Variants in ZNF277 observed in about 807,000 individuals in gnomAD.
The protein encoded by ZNF277 is nuclear receptor-interacting factor 4.
Under a neutral mutation model 60.7 loss-of-function variants are expected in ZNF277, and 55 were observed. The ratio of observed to expected loss-of-function variants is 0.91; its 90% CI spans 0.73 to 1.13. ZNF277 has a LOEUF of 1.13. Among genes scored for constraint, ZNF277 ranks in the 50% most tolerant of loss-of-function variants. ZNF277 has a pLI of 0.00. For missense variants in ZNF277, 510 were observed against 523.0 expected (o/e 0.98, Z 0.24); for synonymous variants, 178 against 179.3 (o/e 0.99, Z 0.06).
intron 5 of ZNF277, among the ~76,000 whole-genome samples, chr7:112,326,210 A>G (rs1340806256): frequency 6.6e-6 from 1 of 152,136 alleles, no homozygotes; most frequent in African/African-American, 2.4e-5. Flanking sequence ...CCCAGGCACA[A>G]TCTAGGCTCT....
At chr7:112,266,510 C>G (rs1163318382) in intron 1 of ZNF277, among the ~76,000 whole-genome samples, 1 of 151,944 alleles carries the variant, frequency 6.6e-6, no homozygotes. Context: ...TAACATTGGT[C>G]CAGGGTTGTC....
At chr7:112,241,994 A>G (rs910124406) in intron 1 of ZNF277, among the ~76,000 whole-genome samples, 1 of 152,100 alleles carries the variant, frequency 6.6e-6, no homozygotes, top group African/African-American at 2.4e-5. Flanking sequence ...AAAAATAAAT[A>G]GTATAATTGG....
chr7:112,256,421 GTTTTTTTTTT>G (rs779126085), intron 1 of ZNF277, among the ~76,000 whole-genome samples: 1 of 95,384 alleles, frequency 1.0e-5, no homozygotes. Context: ...CTTCTTTGGA[GTTTTTTTTTT>G]TTTTTTTTTT....
intron 5 of ZNF277, among the ~76,000 whole-genome samples, chr7:112,327,174 AG>A (rs1793116253): frequency 6.6e-6 from 1 of 152,196 alleles, no homozygotes; most frequent in African/African-American, 2.4e-5. Context: ...TTAATTTAAT[AG>A]TTTAAAGCAG....
At chr7:112,326,110 G>A (rs1295806806) in intron 5 of ZNF277, among the ~76,000 whole-genome samples, 1 of 152,042 alleles carries the variant, frequency 6.6e-6, no homozygotes, top group Non-Finnish European at 1.5e-5. Flanking sequence ...ACTCTTAATG[G>A]CAAGATATTT....
At chr7:112,223,533 G>A (rs1166022796) in intron 1 of ZNF277, among the ~76,000 whole-genome samples, 1 of 152,216 alleles carries the variant, frequency 6.6e-6, no homozygotes, top group Non-Finnish European at 1.5e-5. Context: ...CAGGGAGACA[G>A]GGTCATTTCC....
At chr7:112,243,361 A>G (rs1791004270) in intron 1 of ZNF277, among the ~76,000 whole-genome samples, 1 of 152,026 alleles carries the variant, frequency 6.6e-6, no homozygotes, top group Non-Finnish European at 1.5e-5. Context: ...GTTTCTGTAT[A>G]GCAACAGAAA....
At chr7:112,281,920 C>T (rs191048558) in intron 1 of ZNF277, among the ~76,000 whole-genome samples, 103 of 152,306 alleles carry the variant, frequency 6.8e-4, no homozygotes, top group African/African-American at 1.8e-3. Context: ...GCAACCTCCA[C>T]CTCCTGGGTT....
intron 5 of ZNF277, among the ~76,000 whole-genome samples, chr7:112,327,129 C>T (rs1481437118): frequency 6.6e-6 from 1 of 152,142 alleles, no homozygotes; most frequent in Non-Finnish European, 1.5e-5. Context: ...TCTTACTCGT[C>T]TCCATGATGA....
At chr7:112,210,359 C>T (rs1278966640) in intron 1 of ZNF277, among the ~76,000 whole-genome samples, 1 of 152,044 alleles carries the variant, frequency 6.6e-6, no homozygotes, top group African/African-American at 2.4e-5. Flanking sequence ...AGGTGCAACA[C>T]TCACTGAGAC....
chr7:112,296,339 G>A (rs752485013), intron 4 of ZNF277, 28 bp downstream of exon 4: 2 of 1,266,330 alleles, frequency 1.6e-6, no homozygotes, highest in Admixed American at 4.7e-5. Flanking sequence ...AGGGTGAATA[G>A]TGTCTTGAAA....
intron 4 of ZNF277, among the ~76,000 whole-genome samples, chr7:112,305,348 TAA>T (rs1792565411): frequency 6.6e-6 from 1 of 152,120 alleles, no homozygotes; most frequent in Admixed American, 6.6e-5. Context: ...TTTGGGAAGC[TAA>T]AGACATGTAG....
intron 1 of ZNF277, among the ~76,000 whole-genome samples, chr7:112,269,058 C>G (rs1260332153): frequency 6.6e-6 from 1 of 152,054 alleles, no homozygotes; most frequent in Non-Finnish European, 1.5e-5. Context: ...ACTGATACAC[C>G]TTGATTTGTC....
intron 2 of ZNF277, among the ~76,000 whole-genome samples, chr7:112,294,714 C>T (rs952673704): frequency 2.0e-5 from 3 of 152,006 alleles, no homozygotes; most frequent in South Asian, 4.1e-4. Flanking sequence ...TCTCCCAGAC[C>T]TCTCTCCAGC....
intron 4 of ZNF277, among the ~76,000 whole-genome samples, chr7:112,308,542 C>T (rs545070720): frequency 2.6e-5 from 4 of 151,840 alleles, no homozygotes; most frequent in Non-Finnish European, 5.9e-5. Context: ...AAATTATGAT[C>T]ATGATATATA....
chr7:112,236,262 A>G (rs1790783069), intron 1 of ZNF277, among the ~76,000 whole-genome samples: 1 of 152,130 alleles, frequency 6.6e-6, no homozygotes, highest in Admixed American at 6.5e-5. Context: ...AGAAATACAA[A>G]TAGCACCAGT....
intron 1 of ZNF277, among the ~76,000 whole-genome samples, chr7:112,281,882 G>T (rs891715618): frequency 1.3e-5 from 2 of 152,044 alleles, no homozygotes; most frequent in African/African-American, 4.8e-5. Context: ...ACCCAGGCTG[G>T]AGTGCAATGG....
chr7:112,286,905 C>G lies in ZNF277; in HGVS notation c.124C>G (p.Leu42Val). The G allele has an allele frequency of 6.2e-7, 1 of 1,605,618 alleles. No individual in the cohort carries two copies. The highest frequency in any genetic ancestry group is 8.5e-7 in the Non-Finnish European group (1 of 1,178,692). Reference protein sequence around the residue: ...SKDCILEPLSLPESPGGTTTL... With the variant: ...SKDCILEPLSVPESPGGTTTL... ...GGATTGTATCCTGGAGCCGCTTTCC[C>G]TGCCAGAAAGTCCAGGTGGCACCAC... The change falls in exon 2 of 12, where the codon CTG becomes GTG. Residue 42 changes from leucine (L) to valine (V), a missense_variant. Transcript: ENST00000361822.
chr7:112,327,828 G>A lies in ZNF277; in HGVS notation c.668+1G>A. Reference sequence around the variant, plus strand: ...GTACATTACAGAAAAAGCTTGACAAGTAAGTACTGATTTATGAAACACTGC... The same window carrying A: ...GTACATTACAGAAAAAGCTTGACAAATAAGTACTGATTTATGAAACACTGC... On this transcript the variant is annotated splice_donor_variant, in intron 6 of 11. Transcript: ENST00000361822. LOFTEE classifies it high-confidence loss of function. The A allele has an allele frequency of 6.3e-7, 1 of 1,593,826 alleles. No individual in the cohort carries two copies. Among genetic ancestry groups the A allele is most frequent in the Non-Finnish European group, 8.6e-7 (1 of 1,167,296 alleles).
Sources: gnomAD v4.1 joint callset for allele counts (sites outside exome capture counted in the v4.1 genomes callset) on GRCh38, gnomAD v4.1.1 for gene constraint, MANE v1.5 for transcripts, NCBI Gene and HGNC (gene_info 2026-07-23, HGNC 2026-07-21) for gene names.